The following ANO3 variants were observed in gnomAD, a reference collection of about 807,000 sequenced individuals.
ANO3 encodes the protein anoctamin-3.
A neutral mutation model predicts 144.8 loss-of-function variants in ANO3; 99 were observed. The ratio of observed to expected loss-of-function variants is 0.68; its 90% CI spans 0.58 to 0.81. ANO3 has a LOEUF of 0.81. Ranked by LOEUF, ANO3 falls within the 30% of genes least tolerant of loss-of-function variation. ANO3 has a pLI of 0.00. For missense variants in ANO3, 905 were observed against 1,202.2 expected (o/e 0.75, Z 3.66); for synonymous variants, 414 against 392.6 (o/e 1.05, Z -0.64).
At chr11:26,507,877 G>A (rs1861498881) in intron 4 of ANO3, among the ~76,000 whole-genome samples, 1 of 152,160 alleles carries the variant, frequency 6.6e-6, no homozygotes, top group Non-Finnish European at 1.5e-5. Flanking sequence ...GAGAACCCAT[G>A]TTCAGATATC....
intron 5 of ANO3, chr11:26,508,552 G>A (rs1012980330): frequency 1.7e-5 from 6 of 354,440 alleles, no homozygotes; most frequent in Non-Finnish European, 2.5e-5. Flanking sequence ...TTTATGAAAA[G>A]GAAAATAACA....
At chr11:26,599,394 A>G (rs1295529076) in intron 16 of ANO3, among the ~76,000 whole-genome samples, 156 bp from the exon 17 acceptor site, 1 of 152,246 alleles carries the variant, frequency 6.6e-6, no homozygotes, top group African/African-American at 2.4e-5. Context: ...TGACTAGAAT[A>G]TAACTTCCTT....
chr11:26,238,857 C>G (rs1329126330), intron 1 of ANO3, among the ~76,000 whole-genome samples: 1 of 151,862 alleles, frequency 6.6e-6, no homozygotes. Context: ...AATTCCTGCT[C>G]TATTTTGGAT....
intron 1 of ANO3, among the ~76,000 whole-genome samples, chr11:26,249,391 G>T (rs1342939959): frequency 3.3e-5 from 5 of 152,146 alleles, no homozygotes; most frequent in African/African-American, 9.7e-5. Context: ...CATTGAAAGG[G>T]ATAGAGTGAT....
chr11:26,569,245 C>T lies in ANO3; in HGVS notation c.1447+9466C>T, dbSNP rs572019925. 1.2e-4 allele frequency among the ~76,000 whole-genome samples: 18 copies of T among 152,232 alleles called. No individual in the cohort carries two copies. In the East Asian group the frequency reaches 3.1e-3, roughly 26 times the overall value. Reference sequence around the variant, plus strand: ...AACCTAGGGTATCAACACCCCCAAACGTGCGAAGCACTCTGTTACTGCCTA... The same window carrying T: ...AACCTAGGGTATCAACACCCCCAAATGTGCGAAGCACTCTGTTACTGCCTA... On this transcript the variant is annotated intron_variant, in intron 14 of 26. Coordinates refer to ENST00000256737, the MANE Select transcript of ANO3 (RefSeq NM_031418.4).
chr11:26,267,184 GCACACACACA>G (rs373864169), intron 1 of ANO3, among the ~76,000 whole-genome samples: 1 of 147,612 alleles, frequency 6.8e-6, no homozygotes, highest in African/African-American at 2.5e-5. Context: ...ACGCACGCAC[GCACACACACA>G]CACACACACC....
intron 3 of ANO3, among the ~76,000 whole-genome samples, chr11:26,451,027 A>C (rs1174932522): frequency 1.3e-5 from 2 of 152,248 alleles, no homozygotes; most frequent in Non-Finnish European, 2.9e-5. Flanking sequence ...AAGACAGTGC[A>C]TTCCCACTTG....
At chr11:26,460,465 A>G (rs915906097) in intron 3 of ANO3, among the ~76,000 whole-genome samples, 1 of 149,142 alleles carries the variant, frequency 6.7e-6, no homozygotes, top group Non-Finnish European at 1.5e-5. Context: ...AGAAGGAAGG[A>G]AGGAAGGGAG....
intron 4 of ANO3, among the ~76,000 whole-genome samples, chr11:26,496,640 T>C (rs1467636828): frequency 6.6e-6 from 1 of 152,188 alleles, no homozygotes; most frequent in African/African-American, 2.4e-5. Flanking sequence ...ACCCAAATAG[T>C]GTACATCGTA....
chr11:26,443,940 T>G (rs1858617809), intron 3 of ANO3, 104 bp downstream of exon 3: 1 of 723,760 alleles, frequency 1.4e-6, no homozygotes, highest in Admixed American at 3.1e-5. Flanking sequence ...AAAGTTCATG[T>G]TTGGTTTTTA....
intron 1 of ANO3, among the ~76,000 whole-genome samples, chr11:26,263,417 T>C (rs1418774248): frequency 6.6e-6 from 1 of 152,198 alleles, no homozygotes; most frequent in African/African-American, 2.4e-5. Flanking sequence ...TTTCAGGTTC[T>C]ACCAGGTTAT....
chr11:26,633,771 T>C (rs1284739592), intron 18 of ANO3, among the ~76,000 whole-genome samples: 1 of 152,184 alleles, frequency 6.6e-6, no homozygotes, highest in Non-Finnish European at 1.5e-5. Context: ...CAAAACTAAG[T>C]GCCTCATAGA....
chr11:26,580,112 T>A lies in ANO3; in HGVS notation c.1448-18253T>A, dbSNP rs1003199835. Among the ~76,000 whole-genome samples the A allele has an allele frequency of 1.9e-4, 23 of 122,522 alleles. 2 individuals carry two copies. The highest frequency in any genetic ancestry group is 6.8e-4 in the African/African-American group (23 of 33,726). The allele number at this position is 122,522 out of a possible 152,430, so 80.4% of individuals were successfully genotyped here. ...TTATAAATTTTTTAAAACTCCAAAA[T>A]AACATACACAAAAAGCAAAATCCAG... is the stretch of plus-strand genomic sequence containing the variant. On this transcript the variant is annotated intron_variant, in intron 14 of 26. Transcript: ENST00000256737.
At chr11:26,562,741 A>G (rs1850343350) in intron 14 of ANO3, among the ~76,000 whole-genome samples, 1 of 151,928 alleles carries the variant, frequency 6.6e-6, no homozygotes, top group Non-Finnish European at 1.5e-5. Context: ...TGTTCAAATT[A>G]CTGCTACTTA....
In ANO3 at chr11:26,433,188, G is replaced by A. The variant is rs372426338; in HGVS notation, c.47-8730G>A. 1.2e-4 allele frequency among the ~76,000 whole-genome samples: 19 copies of A among 152,132 alleles called. No homozygotes were observed. The East Asian group carries it at 1.7e-3, about 14-fold the overall frequency. ...AGGGATTGTGTTCCTGATGGCTCTC[G>A]GCTTAGCTGGTGTTGGTGTATAGGA... On this transcript the variant is annotated intron_variant, in intron 1 of 26. Transcript: ENST00000256737.
chr11:26,195,972 C>T (rs1851579407), intron 1 of ANO3, among the ~76,000 whole-genome samples: 1 of 152,032 alleles, frequency 6.6e-6, no homozygotes, highest in African/African-American at 2.4e-5. Context: ...GAGATGTTGC[C>T]CCATTTCTTT....
intron 1 of ANO3, among the ~76,000 whole-genome samples, chr11:26,236,641 A>AC (rs1445548682): frequency 6.6e-6 from 1 of 151,986 alleles, no homozygotes. Flanking sequence ...ACACAGTGAA[A>AC]CCCTGTCTCT....
chr11:26,424,503 G>A (rs961408222), intron 1 of ANO3, among the ~76,000 whole-genome samples: 2 of 151,958 alleles, frequency 1.3e-5, no homozygotes, highest in Admixed American at 6.6e-5. Context: ...TATGCTAAGA[G>A]CATTTTACTC....
intron 1 of ANO3, among the ~76,000 whole-genome samples, chr11:26,227,946 A>G (rs1852290047): frequency 6.6e-6 from 1 of 152,240 alleles, no homozygotes; most frequent in Non-Finnish European, 1.5e-5. Context: ...AAAAAGTGGC[A>G]TAAAGTTTAA....
Sources: allele counts gnomAD v4.1 joint callset (sites outside exome capture counted in the v4.1 genomes callset), GRCh38; gene constraint gnomAD v4.1.1; transcripts MANE v1.5; gene names NCBI Gene and HGNC (gene_info 2026-07-23, HGNC 2026-07-21).